The following KCNN3 variants were observed in gnomAD, a reference collection of about 807,000 sequenced individuals.
The protein encoded by KCNN3 is small conductance calcium-activated potassium channel protein 3.
KCNN3 carries 16 observed loss-of-function variants against 62.9 expected under a neutral mutation model. The observed-to-expected ratio is 0.25, with a 90% CI of 0.17 to 0.39. KCNN3 has a LOEUF of 0.39. KCNN3 is among the 10% of genes least tolerant of loss of function. The pLI is 1.00. For missense variants in KCNN3, 599 were observed against 949.4 expected, an observed-to-expected ratio of 0.63 and a Z score of 4.85; for synonymous variants, 370 against 389.2, an observed-to-expected ratio of 0.95 and a Z score of 0.58.
rs1485181152 is a variant in KCNN3, at chr1:154,772,245, G to A, written c.1178C>T (p.Ser393Phe). The A allele has an allele frequency of 6.2e-7, 1 of 1,614,258 alleles. No homozygotes were observed. Residue 393 changes from serine (S) to phenylalanine (F), a missense_variant, in exon 3 of 8, where the codon TCC becomes TTC. This residue lies in a region of KCNN3 where 288 missense variants were observed against 557.4 expected (regional missense o/e 0.52). Coordinates refer to ENST00000271915, the MANE Select transcript of KCNN3 (RefSeq NM_002249.6). The surrounding 1 kb of genome is among the most constrained non-coding windows in gnomAD (Gnocchi z 5.6). ...GGCCTCCGCCCGGGAGGGTGTGTAG[G>A]AGAAGGCCAGGCGTGCCGTCCAGAA... ...KFFWTARLAF[S>F]YTPSRAEADV...
intron 1 of KCNN3, 88 bp from the exon 2 acceptor site, chr1:154,822,272 G>A (rs1650933393): frequency 2.0e-6 from 2 of 981,480 alleles, no homozygotes; most frequent in African/African-American, 1.6e-5. Flanking sequence ...GAGAAGGGGT[G>A]GGGACACAGG....
intron 2 of KCNN3, among the ~76,000 whole-genome samples, chr1:154,804,907 A>G (rs953595514): frequency 6.6e-6 from 1 of 152,170 alleles, no homozygotes; most frequent in South Asian, 2.1e-4. Context: ...CTCTGCACAC[A>G]CTGCCTTTCA....
At chr1:154,858,468 A>C (rs1160801882) in intron 1 of KCNN3, among the ~76,000 whole-genome samples, 1 of 152,228 alleles carries the variant, frequency 6.6e-6, no homozygotes. Flanking sequence ...ATCCAGGTCT[A>C]TGGGGAAAGC....
At chr1:154,812,328 A>G (rs1650441336) in intron 2 of KCNN3, among the ~76,000 whole-genome samples, 1 of 151,948 alleles carries the variant, frequency 6.6e-6, no homozygotes, top group South Asian at 2.1e-4. Context: ...TTACATATGT[A>G]TACATGTGCC....
chr1:154,859,795 G>T, intron 1 of KCNN3: 1 of 1,613,816 alleles, frequency 6.2e-7, no homozygotes, highest in South Asian at 1.1e-5. Context: ...CTAAGGAGTA[G>T]GTGCCAGCTC....
rs562479403 is a variant in KCNN3 at position 154,708,171 on chromosome 1, G to A, written c.2001C>T (p.Thr667=). Residue 667 remains threonine, a synonymous_variant, in exon 8 of 8, where the codon ACC becomes ACT. Transcript: ENST00000271915. ...GCAGCGGCAGGGAGTTGAAGCTGGCGGTGAGATGCTCCAGCTTCGACTCCA... is the reference window on the plus strand; with the variant it reads ...GCAGCGGCAGGGAGTTGAAGCTGGCAGTGAGATGCTCCAGCTTCGACTCCA... The part of the protein sequence containing the change: ...GSLESKLEHL[T]ASFNSLPLLI... 7 of 1,613,764 alleles carry A rather than the reference G, an allele frequency of 4.3e-6. No homozygotes were observed. In the African/African-American group the frequency reaches 9.3e-5, roughly 22 times the overall value.
intron 3 of KCNN3, among the ~76,000 whole-genome samples, chr1:154,765,804 T>C (rs1557964499): frequency 6.6e-6 from 1 of 151,148 alleles, no homozygotes; most frequent in Non-Finnish European, 1.5e-5. Context: ...TGGTTTTTTT[T>C]TGTTTTGTTT....
Position 154,868,900 on chromosome 1 carries a change from A to ATTTC in KCNN3, c.933+131_933+132insGAAA, listed in dbSNP as rs1491481480. 3 of 683,202 alleles carry ATTTC rather than the reference A, an allele frequency of 4.4e-6. No individual in the cohort carries two copies. In the African/African-American group the frequency reaches 6.4e-5, roughly 15 times the overall value. 42.3% of individuals were successfully genotyped at this position (683,202 alleles called of 1,614,324 possible). A position where few individuals can be genotyped will look rare whatever the true frequency, so the allele number is the denominator to read the frequency against. The stretch of plus-strand genomic sequence containing the variant: ...TCCCAGTCTCCCTCCCAATCTCTCA[A>ATTTC]TCTCTCTCTCTCTCTCTCTCTCTCT... On this transcript the variant is annotated intron_variant, in intron 1 of 7. Transcript: ENST00000271915.
At position 154,822,094 on chromosome 1, in the gene KCNN3, C is replaced by T. The variant is rs1391743478; in HGVS notation, c.1024G>A (p.Val342Ile). Residue 342 changes from valine to isoleucine, a missense_variant, in exon 2 of 8, where the codon GTC (valine) becomes ATC (isoleucine). By Grantham distance (29) the Val-to-Ile change is conservative. Around this residue, in one of 7 missense-constraint regions of KCNN3, gnomAD observed 288 missense variants for 557.4 expected, o/e 0.52. Transcript: ENST00000271915. ...GGTGAGGTGGGGGCACCTACCTGGA[C>T]TTCACGTGTGTGGTAGGCGATGATC... ...GLIIAYHTRE[V>I]QLFVIDNGAD... 5 of 1,612,704 alleles carry T rather than the reference C, an allele frequency of 3.1e-6. No individual in the cohort carries two copies. The highest frequency in any genetic ancestry group is 1.3e-5 in the African/African-American group (1 of 74,864).
At chr1:154,815,301 G>A (rs375003445) in intron 2 of KCNN3, among the ~76,000 whole-genome samples, 218 of 152,338 alleles carry the variant, frequency 1.4e-3, no homozygotes, top group African/African-American at 4.2e-3. Context: ...ACCTCCCTTC[G>A]GAGGACAGGC....
At chr1:154,766,420 ATATATATATAT>A (rs1648283780) in intron 3 of KCNN3, among the ~76,000 whole-genome samples, 3 of 115,888 alleles carry the variant, frequency 2.6e-5, no homozygotes, top group Non-Finnish European at 5.7e-5. Flanking sequence ...CAGGCTTTAT[ATATATATATAT>A]ATATATATAT....
rs571138640 is a variant in KCNN3 at position 154,791,071 on chromosome 1, A to G, written c.1030-18678T>C. On this transcript the variant is annotated intron_variant, in intron 2 of 7. Transcript: ENST00000271915. ...TGGTAAAACCCCATCTCTACTAAAA[A>G]TACAAAAATTAGCTGGGCATGGTGG... Among the ~76,000 whole-genome samples, 7 of 152,118 alleles carry G rather than the reference A, an allele frequency of 4.6e-5. No homozygotes were observed. In the South Asian group the frequency reaches 1.5e-3, roughly 32 times the overall value.
intron 2 of KCNN3, among the ~76,000 whole-genome samples, chr1:154,786,936 C>T (rs2101857327): frequency 6.6e-6 from 1 of 152,320 alleles, no homozygotes; most frequent in South Asian, 2.1e-4. Context: ...TGCCCAGGTC[C>T]TTTCCTGCCC....
chr1:154,840,243 G>A (rs1191130478), intron 1 of KCNN3, among the ~76,000 whole-genome samples: 1 of 152,170 alleles, frequency 6.6e-6, no homozygotes, highest in Admixed American at 6.5e-5. Flanking sequence ...AGGATTTGGA[G>A]ACTGATTGGT....
chr1:154,860,112 G>A (rs922663878), intron 1 of KCNN3, among the ~76,000 whole-genome samples: 1 of 152,226 alleles, frequency 6.6e-6, no homozygotes, highest in Non-Finnish European at 1.5e-5. Flanking sequence ...ACCTGGCTGG[G>A]AACGTCACCC....
chr1:154,836,790 CCTCT>C (rs1388235219), intron 1 of KCNN3, among the ~76,000 whole-genome samples: 1 of 152,228 alleles, frequency 6.6e-6, no homozygotes, highest in Non-Finnish European at 1.5e-5. Context: ...CCCTGGGCTC[CCTCT>C]GAGTGGCCCC....
At chr1:154,780,132 G>A (rs893077455) in intron 2 of KCNN3, among the ~76,000 whole-genome samples, 1 of 151,332 alleles carries the variant, frequency 6.6e-6, no homozygotes, top group Admixed American at 6.6e-5. Context: ...GACTTGCGAG[G>A]CCTCCCCACA....
chr1:154,761,217 C>T (rs932760636), intron 3 of KCNN3, among the ~76,000 whole-genome samples: 3 of 152,174 alleles, frequency 2.0e-5, no homozygotes, highest in Admixed American at 6.5e-5. Flanking sequence ...ATCACATGTA[C>T]ACCTTGGGAA....
chr1:154,778,909 C>G (rs532359863), intron 2 of KCNN3, among the ~76,000 whole-genome samples: 1 of 152,150 alleles, frequency 6.6e-6, no homozygotes, highest in Non-Finnish European at 1.5e-5. Context: ...GCCAGTACAG[C>G]CTATTTCTCA....
Sources: gnomAD v4.1 joint callset for allele counts (sites outside exome capture counted in the v4.1 genomes callset) on GRCh38, gnomAD v4.1.1 for gene constraint, gnomAD v4.1.1 regional missense constraint, Gnocchi (gnomAD v3.1) non-coding constraint, MANE v1.5 for transcripts, NCBI Gene and HGNC (gene_info 2026-07-23, HGNC 2026-07-21) for gene names.